TMEM26: variants seen among roughly 807,000 people sequenced by gnomAD.
The protein encoded by TMEM26 is transmembrane protein 26.
Under a neutral mutation model 28.8 loss-of-function variants are expected in TMEM26, and 38 were observed. The ratio of observed to expected loss-of-function variants is 1.32; its 90% CI spans 1.02 to 1.73. The LOEUF is 1.73. Ranked by LOEUF, TMEM26 falls within the 40% of genes most tolerant of loss-of-function variation. The pLI is 0.00. For synonymous variants in TMEM26, 227 were observed against 182.9 expected (o/e 1.24, Z -1.95); for missense variants, 518 against 447.1 (o/e 1.16, Z -1.43).
intron 2 of TMEM26, among the ~76,000 whole-genome samples, chr10:61,435,564 C>T (rs1348100565): frequency 1.3e-5 from 2 of 152,162 alleles, no homozygotes; most frequent in East Asian, 3.8e-4. Context: ...ACGACTCCTC[C>T]CCTTTAATCT....
rs1307702702 is a variant in TMEM26 at position 61,406,814 on chromosome 10, T to G, written c.*3508A>C. 6.6e-6 allele frequency: 1 copy of G among 152,098 alleles called. No individual in the cohort carries two copies. Among genetic ancestry groups the G allele is most frequent in the Non-Finnish European group, 1.5e-5 (1 of 67,976 alleles). The allele number at this position is 152,098 out of a possible 1,614,324, so 9.4% of individuals were successfully genotyped here. On this transcript the variant is annotated 3_prime_UTR_variant, in exon 6 of 6. Transcript: ENST00000399298. Reference sequence around the variant, plus strand: ...AATATAAGACTTAGCAGTTAATTATTCAAACATTGTTTAAAGTTACTCCCT... The same window carrying G: ...AATATAAGACTTAGCAGTTAATTATGCAAACATTGTTTAAAGTTACTCCCT...
intron 5 of TMEM26, among the ~76,000 whole-genome samples, chr10:61,411,550 T>A (rs757644329): frequency 2.6e-5 from 4 of 152,246 alleles, no homozygotes; most frequent in Non-Finnish European, 5.9e-5. Flanking sequence ...TAATTCATAT[T>A]AAATACATTT....
In TMEM26 at chr10:61,453,053, A is replaced by C; in HGVS notation, c.29T>G (p.Leu10Arg). Residue 10 changes from leucine (L) to arginine (R), a missense_variant, in exon 1 of 6, where the codon CTG becomes CGG. Coordinates refer to ENST00000399298, the MANE Select transcript of TMEM26 (RefSeq NM_178505.8). Reference protein sequence around the residue: MEGLVFLNALATRLLFLLHS... With the variant: MEGLVFLNARATRLLFLLHS... ...CAGCAGGAACAGCAACCGAGTGGCC[A>C]GGGCGTTAAGGAAGACCAGTCCCTC... 6.2e-7 allele frequency: 1 copy of C among 1,613,570 alleles called. No homozygotes were observed. Among genetic ancestry groups the C allele is most frequent in the Non-Finnish European group, 8.5e-7 (1 of 1,180,002 alleles).
At chr10:61,431,973 C>T (rs1839930551) in intron 2 of TMEM26, among the ~76,000 whole-genome samples, 1 of 151,970 alleles carries the variant, frequency 6.6e-6, no homozygotes, top group Non-Finnish European at 1.5e-5. Flanking sequence ...ATAAGTGAAA[C>T]ATGTGGTGTC....
chr10:61,442,912 A>G (rs528717839), intron 1 of TMEM26, among the ~76,000 whole-genome samples: 1 of 152,044 alleles, frequency 6.6e-6, no homozygotes, highest in South Asian at 2.1e-4. Context: ...CCTCTCTTCA[A>G]CTCCTCAACG....
At chr10:61,430,085 T>C (rs1427524287) in intron 3 of TMEM26, among the ~76,000 whole-genome samples, 1 of 152,070 alleles carries the variant, frequency 6.6e-6, no homozygotes, top group Non-Finnish European at 1.5e-5. Flanking sequence ...ATTAGTACTA[T>C]GAAACTTTGC....
chr10:61,446,878 A>T (rs1327930862), intron 1 of TMEM26, among the ~76,000 whole-genome samples: 1 of 101,694 alleles, frequency 9.8e-6, no homozygotes, highest in Non-Finnish European at 1.8e-5. Flanking sequence ...TGCTAAAAAG[A>T]TGCTGACACA....
Position 61,407,105 on chromosome 10 carries a change from T to C in TMEM26, c.*3217A>G, listed in dbSNP as rs549861294. 3 of 152,176 alleles carry C rather than the reference T, an allele frequency of 2.0e-5. No individual in the cohort carries two copies. The highest frequency in any genetic ancestry group is 4.4e-5 in the Non-Finnish European group (3 of 68,006). 9.4% of individuals were successfully genotyped at this position (152,176 alleles called of 1,614,324 possible). A position where few individuals can be genotyped will look rare whatever the true frequency, so the allele number is the denominator to read the frequency against. On this transcript the variant is annotated 3_prime_UTR_variant, in exon 6 of 6. Transcript: ENST00000399298. ...GTGGACAGATGCCTGGCATTTGCAA[T>C]TCTTTCTCTCCTGTAACAGGAAAAG... is the stretch of plus-strand genomic sequence containing the variant.
At chr10:61,422,400 A>G (rs1196577893) in intron 4 of TMEM26, among the ~76,000 whole-genome samples, 1 of 152,172 alleles carries the variant, frequency 6.6e-6, no homozygotes. Context: ...GCCATATAAT[A>G]GACCACAAAG....
intron 1 of TMEM26, among the ~76,000 whole-genome samples, chr10:61,439,466 G>A (rs898424905): frequency 1.3e-5 from 2 of 152,208 alleles, no homozygotes; most frequent in African/African-American, 4.8e-5. Context: ...GAAGGACTGA[G>A]CAAATAAAGT....
intron 1 of TMEM26, among the ~76,000 whole-genome samples, chr10:61,443,872 A>G (rs1438048760): frequency 6.6e-6 from 1 of 152,242 alleles, no homozygotes; most frequent in Non-Finnish European, 1.5e-5. Flanking sequence ...TTTCACTATT[A>G]CTAAACTAGT....
At chr10:61,449,703 A>C (rs910300930) in intron 1 of TMEM26, among the ~76,000 whole-genome samples, 2 of 152,188 alleles carry the variant, frequency 1.3e-5, no homozygotes, top group African/African-American at 4.8e-5. Context: ...TATATATTTT[A>C]GTCCATCATT....
chr10:61,446,211 T>A (rs1368630476), intron 1 of TMEM26, among the ~76,000 whole-genome samples: 1 of 152,216 alleles, frequency 6.6e-6, no homozygotes, highest in Non-Finnish European at 1.5e-5. Flanking sequence ...AGCATGGTAC[T>A]AATTTTTGAA....
At chr10:61,429,644 A>G (rs1365273069) in intron 3 of TMEM26, among the ~76,000 whole-genome samples, 1 of 152,118 alleles carries the variant, frequency 6.6e-6, no homozygotes, top group East Asian at 1.9e-4. Context: ...AAACATAAAA[A>G]TGTAATAATG....
intron 1 of TMEM26, among the ~76,000 whole-genome samples, chr10:61,437,435 T>A (rs534054013): frequency 3.0e-4 from 46 of 152,284 alleles, no homozygotes; most frequent in African/African-American, 1.1e-3. Flanking sequence ...TGGTACAACA[T>A]AAATGTGTCC....
rs1300525153 is a variant in TMEM26, at chr10:61,453,149, G to A, written c.-68C>T. 6.6e-7 allele frequency: 1 copy of A among 1,517,570 alleles called. No individual in the cohort carries two copies. The highest frequency in any genetic ancestry group is 2.3e-5 in the East Asian group (1 of 44,024). The allele number at this position is 1,517,570 out of a possible 1,614,324, so 94.0% of individuals were successfully genotyped here. Reference sequence around the variant, plus strand: ...CAGGACCCTGCCGGGCGTGCCCGGAGCCCACCGGTGAGCAGGAATATGACA... The same window carrying A: ...CAGGACCCTGCCGGGCGTGCCCGGAACCCACCGGTGAGCAGGAATATGACA... On this transcript the variant is annotated 5_prime_UTR_variant, in exon 1 of 6. Transcript: ENST00000399298.
intron 5 of TMEM26, 47 bp from the exon 6 acceptor site, chr10:61,410,793 A>G: frequency 1.3e-6 from 2 of 1,573,018 alleles, no homozygotes; most frequent in Non-Finnish European, 1.7e-6. Flanking sequence ...GGAAGTGTAG[A>G]CATATAAGAC....
chr10:61,425,851 T>C (rs1305401959), intron 4 of TMEM26, among the ~76,000 whole-genome samples: 1 of 152,210 alleles, frequency 6.6e-6, no homozygotes, highest in South Asian at 2.1e-4. Flanking sequence ...GGAATATAAA[T>C]TAATACAACT....
At chr10:61,425,823 C>T (rs1839822412) in intron 4 of TMEM26, among the ~76,000 whole-genome samples, 1 of 152,110 alleles carries the variant, frequency 6.6e-6, no homozygotes, top group Admixed American at 6.6e-5. Context: ...AAAACGGAAT[C>T]CTCATGCATT....
Sources: gnomAD v4.1 joint callset for allele counts (sites outside exome capture counted in the v4.1 genomes callset) on GRCh38, gnomAD v4.1.1 for gene constraint, MANE v1.5 for transcripts, NCBI Gene and HGNC (gene_info 2026-07-23, HGNC 2026-07-21) for gene names.